Variants in EPHA5 observed in about 807,000 individuals in gnomAD.
EPHA5 encodes the protein EPH receptor A5.
In EPHA5, 60 loss-of-function variants were observed where a neutral mutation model predicts 105.0. The observed-to-expected ratio is 0.57, with a 90% CI of 0.46 to 0.71. The LOEUF (loss-of-function observed/expected upper bound fraction) is 0.71, where lower values mean the gene tolerates loss of function less well. Ranked by LOEUF, EPHA5 falls within the 30% of genes least tolerant of loss-of-function variation. The pLI is 0.00. For synonymous variants in EPHA5, 513 were observed against 449.1 expected, an observed-to-expected ratio of 1.14 and a Z score of -1.80; for missense variants, 1,218 against 1,274.7, an observed-to-expected ratio of 0.96 and a Z score of 0.68.
intron 3 of EPHA5, among the ~76,000 whole-genome samples, chr4:65,525,871 CAAAG>C (rs1317190576): frequency 6.6e-6 from 1 of 151,744 alleles, no homozygotes; most frequent in Non-Finnish European, 1.5e-5. Flanking sequence ...AAACAATGAA[CAAAG>C]ACTTTTAAAA....
intron 7 of EPHA5, among the ~76,000 whole-genome samples, chr4:65,408,184 A>C (rs1722553258): frequency 5.9e-5 from 9 of 152,194 alleles, no homozygotes; most frequent in Admixed American, 5.9e-4. Context: ...TAAATAATTT[A>C]CAGGGTACTG....
Position 65,495,440 on chromosome 4 carries a change from A to G in EPHA5, c.1014T>C (p.Cys338=), listed in dbSNP as rs2149225792. 1.2e-6 allele frequency: 2 copies of G among 1,613,880 alleles called. No individual in the cohort carries two copies. The highest frequency in any genetic ancestry group is 8.5e-7 in the Non-Finnish European group (1 of 1,179,858). ...ACTCTCTCCTGAAATAATCCTTTTC[A>G]CAGACACAAGAGGTTGAAGCTTCCT... ...THEEASTSCV[C]EKDYFRRESD... Residue 338 remains cysteine (C), a synonymous_variant, in exon 4 of 17, where the codon TGT becomes TGC. Coordinates refer to ENST00000613740, the MANE Select transcript of EPHA5 (RefSeq NM_001281766.3).
chr4:65,571,729 G>T (rs1578453739), intron 3 of EPHA5, among the ~76,000 whole-genome samples: 1 of 152,034 alleles, frequency 6.6e-6, no homozygotes, highest in Non-Finnish European at 1.5e-5. Context: ...GTCACAAGGG[G>T]CTTGTTTTTG....
At chr4:65,652,538 C>G (rs1748698496) in intron 1 of EPHA5, among the ~76,000 whole-genome samples, 2 of 152,068 alleles carry the variant, frequency 1.3e-5, no homozygotes, top group Admixed American at 1.3e-4. Context: ...AAGCATATAG[C>G]TGAAATCTAA....
intron 3 of EPHA5, among the ~76,000 whole-genome samples, chr4:65,551,738 C>T (rs1737942463): frequency 6.6e-6 from 1 of 152,052 alleles, no homozygotes; most frequent in South Asian, 2.1e-4. Flanking sequence ...TAGACTTCCT[C>T]CTGTTTACTC....
intron 3 of EPHA5, among the ~76,000 whole-genome samples, chr4:65,554,969 C>T (rs1261843737): frequency 2.8e-5 from 3 of 106,298 alleles, no homozygotes; most frequent in Admixed American, 1.0e-4. Flanking sequence ...TCACTTCACC[C>T]CTATACAACA....
rs142425223 is a variant in EPHA5 at position 65,570,113 on chromosome 4, T to C, written c.910+31528A>G. On this transcript the variant is annotated intron_variant, in intron 3 of 16. Coordinates refer to ENST00000613740, the MANE Select transcript of EPHA5 (RefSeq NM_001281766.3). The stretch of plus-strand genomic sequence containing the variant: ...CTGGGCAACTTAGTAATTCCAACAC[T>C]GTATGAGTTCAGAGAAGTTCTTCCC... 4.2e-3 allele frequency among the ~76,000 whole-genome samples: 632 copies of C among 151,884 alleles called. 2 individuals carry two copies. The highest frequency in any genetic ancestry group is 0.027 in the East Asian group (138 of 5,174).
chr4:65,429,076 C>A (rs966194335), intron 5 of EPHA5, among the ~76,000 whole-genome samples: 1 of 152,024 alleles, frequency 6.6e-6, no homozygotes, highest in Non-Finnish European at 1.5e-5. Context: ...TTTTAATACA[C>A]GAAGAGTCCT....
At chr4:65,476,586 G>A (rs1007618828) in intron 5 of EPHA5, among the ~76,000 whole-genome samples, 11 of 152,222 alleles carry the variant, frequency 7.2e-5, no homozygotes, top group Admixed American at 2.6e-4. Context: ...AACAGAGCAC[G>A]GAGTGAGAGG....
chr4:65,557,718 A>G (rs977781534), intron 3 of EPHA5, among the ~76,000 whole-genome samples: 5 of 152,098 alleles, frequency 3.3e-5, no homozygotes, highest in African/African-American at 9.7e-5. Context: ...TAGATGCAGC[A>G]AGATTCTGGC....
chr4:65,499,863 A>G (rs1732306411), intron 3 of EPHA5, among the ~76,000 whole-genome samples: 1 of 150,862 alleles, frequency 6.6e-6, no homozygotes, highest in Non-Finnish European at 1.5e-5. Flanking sequence ...GTAGTCCACG[A>G]TAAGAGATTT....
chr4:65,647,688 T>C (rs1748245174), intron 1 of EPHA5, among the ~76,000 whole-genome samples: 1 of 152,130 alleles, frequency 6.6e-6, no homozygotes. Context: ...TTCTATTATT[T>C]ATATTTTAAA....
At chr4:65,388,392 C>T (rs1450897945) in intron 8 of EPHA5, among the ~76,000 whole-genome samples, 2 of 151,772 alleles carry the variant, frequency 1.3e-5, no homozygotes, top group Non-Finnish European at 2.9e-5. Context: ...GGAATCGCCA[C>T]ACTGACTTCC....
chr4:65,392,765 A>G (rs1173485161), intron 8 of EPHA5, among the ~76,000 whole-genome samples: 1 of 152,056 alleles, frequency 6.6e-6, no homozygotes, highest in Non-Finnish European at 1.5e-5. Flanking sequence ...AAAGTTTTTC[A>G]TTTTCTAAAA....
Position 65,367,398 on chromosome 4 carries a change from T to C in EPHA5, c.1820A>G (p.Gln607Arg). 1 of 1,612,482 alleles carries C rather than the reference T, an allele frequency of 6.2e-7. No homozygotes were observed. Among genetic ancestry groups the C allele is most frequent in the Non-Finnish European group, 8.5e-7 (1 of 1,179,324 alleles). ...GRRCGYSKAK[Q>R]DPEEEKMHFH... ...ATGCATCTTTTCCTCTTCTGGATCT[T>C]GTTTTGCTTTGCTGTAGCCACACCG... Residue 607 changes from glutamine (Q) to arginine (R), a missense_variant, in exon 9 of 17, where the codon CAA becomes CGA. Coordinates refer to ENST00000613740, the MANE Select transcript of EPHA5 (RefSeq NM_001281766.3).
At chr4:65,578,039 C>T (rs905132303) in intron 3 of EPHA5, among the ~76,000 whole-genome samples, 6 of 152,100 alleles carry the variant, frequency 3.9e-5, no homozygotes, top group Admixed American at 1.3e-4. Flanking sequence ...TAAATAATTT[C>T]AATGCATAAA....
At chr4:65,343,505 T>C (rs183197363) in intron 14 of EPHA5, among the ~76,000 whole-genome samples, 1 of 152,204 alleles carries the variant, frequency 6.6e-6, no homozygotes, top group Non-Finnish European at 1.5e-5. Flanking sequence ...TCAGATAGCA[T>C]CTGGAATGTA....
At chr4:65,560,171 T>G (rs1738862365) in intron 3 of EPHA5, among the ~76,000 whole-genome samples, 1 of 152,082 alleles carries the variant, frequency 6.6e-6, no homozygotes, top group African/African-American at 2.4e-5. Context: ...CAGCAATTAC[T>G]CCCCAACACT....
chr4:65,467,223 T>C (rs913726070), intron 5 of EPHA5, among the ~76,000 whole-genome samples: 1 of 152,122 alleles, frequency 6.6e-6, no homozygotes, highest in Admixed American at 6.6e-5. Context: ...GAATGACATA[T>C]ATAAAGACCA....
Sources: gnomAD v4.1 joint callset for allele counts (sites outside exome capture counted in the v4.1 genomes callset) on GRCh38, gnomAD v4.1.1 for gene constraint, MANE v1.5 for transcripts, NCBI Gene and HGNC (gene_info 2026-07-23, HGNC 2026-07-21) for gene names.